Variants in MYO9B observed in about 807,000 individuals in gnomAD.
MYO9B encodes the protein myosin IXB, also known as unconventional myosin-IXb.
MYO9B carries 71 observed loss-of-function variants against 229.5 expected under a neutral mutation model. The observed-to-expected ratio is 0.31, with a 90% confidence interval of 0.26 to 0.38. The LOEUF is 0.38. Among genes scored for constraint, MYO9B ranks in the 10% least tolerant of loss-of-function variants. The pLI, the probability that MYO9B is intolerant of heterozygous loss-of-function variation, is 1.00. For missense variants in MYO9B, 2,255 were observed against 2,920.5 expected, an observed-to-expected ratio of 0.77 and a Z score of 5.25; for synonymous variants, 1,185 against 1,235.8, an observed-to-expected ratio of 0.96 and a Z score of 0.86.
In MYO9B at chr19:17,172,332, C is replaced by G; in HGVS notation, c.1794-4C>G. 6.2e-7 allele frequency: 1 copy of G among 1,613,882 alleles called. No homozygotes were observed. ...CCTGCAAAGGTTCCATGTTCTGTTC[C>G]CAGCTTCCCCCACGCCACGAGCCAG... On this transcript the variant is annotated splice_region_variant and splice_polypyrimidine_tract_variant and intron_variant, in intron 11 of 39. Transcript: ENST00000682292. This position sits in a 1 kb window ranked among gnomAD's most constrained non-coding sequence, Gnocchi z 8.2.
In MYO9B at chr19:17,157,026, G is replaced by T. The variant is rs779720862; in HGVS notation, c.1317G>T (p.Ser439=). Residue 439 remains serine, a synonymous_variant, in exon 7 of 40, where the codon TCG becomes TCT. Coordinates refer to ENST00000682292, the MANE Select transcript of MYO9B (RefSeq NM_004145.4). The part of the protein sequence containing the change: ...VGPPEVLDTL[S]QLLKVKREIL... ...CACCCGAGGTGCTGGACACCCTGTC[G>T]CAGCTTCTGAAGGTACTGATTGCCA... The T allele has an allele frequency of 6.2e-7, 1 of 1,613,336 alleles. No homozygotes were observed. The highest frequency in any genetic ancestry group is 1.7e-5 in the Admixed American group (1 of 59,934).
chr19:17,201,481 A>G (rs2073105652), intron 26 of MYO9B, among the ~76,000 whole-genome samples: 1 of 152,138 alleles, frequency 6.6e-6, no homozygotes, highest in South Asian at 2.1e-4. Flanking sequence ...TTACCAGGCC[A>G]TTCCAGGCAT....
rs145485118 is a variant in MYO9B at position 17,129,398 on chromosome 19, T to TCAA, written c.841-15977_841-15975dup. Among the ~76,000 whole-genome samples the TCAA allele has an allele frequency of 2.4e-3, 369 of 151,818 alleles. 2 individuals carry two copies. Among genetic ancestry groups the TCAA allele is most frequent in the South Asian group, 4.4e-3 (21 of 4,812 alleles). ...GCTTGGGCGACAGAGCGAGACAGTT[T>TCAA]CAACAACAACAACAACAACAACAAA... On this transcript the variant is annotated intron_variant, in intron 2 of 39. Coordinates refer to ENST00000682292, the MANE Select transcript of MYO9B (RefSeq NM_004145.4).
intron 2 of MYO9B, among the ~76,000 whole-genome samples, chr19:17,130,592 C>G (rs1412336841): frequency 6.6e-6 from 1 of 151,546 alleles, no homozygotes; most frequent in Admixed American, 6.6e-5. Flanking sequence ...TGCACTCCAG[C>G]CTGGGTGACA....
At position 17,081,584 on chromosome 19, in the gene MYO9B, G is replaced by A. The variant is rs530143914; in HGVS notation, c.-59+5710G>A. Among the ~76,000 whole-genome samples the A allele has an allele frequency of 2.0e-5, 3 of 152,128 alleles. No homozygotes were observed. The East Asian group carries it at 5.8e-4, about 29-fold the overall frequency. ...AGCACTTTGGGAGGCCGAGGTGGGA[G>A]GATCACCTAAGGTCAGGAGTTTGAG... On this transcript the variant is annotated intron_variant, in intron 1 of 39. Transcript: ENST00000682292.
intron 2 of MYO9B, among the ~76,000 whole-genome samples, chr19:17,139,171 G>C (rs1260431114): frequency 6.7e-6 from 1 of 148,466 alleles, no homozygotes; most frequent in Non-Finnish European, 1.5e-5. Flanking sequence ...AGTGAGACTC[G>C]ATCTCAAAAA....
Position 17,195,522 on chromosome 19 carries a change from G to A in MYO9B, c.4046+49G>A, listed in dbSNP as rs1353716089. On this transcript the variant is annotated intron_variant, in intron 22 of 39. Coordinates refer to ENST00000682292, the MANE Select transcript of MYO9B (RefSeq NM_004145.4). This position sits in a 1 kb window ranked among gnomAD's most constrained non-coding sequence, Gnocchi z 4.5. ...CTGAGCACCAGGGTCCAGGCCAGGT[G>A]GGCAAGGCCAGGGGCAGTGCCACAC... 1.9e-6 allele frequency: 3 copies of A among 1,542,556 alleles called. No homozygotes were observed. The highest frequency in any genetic ancestry group is 2.6e-6 in the Non-Finnish European group (3 of 1,150,446).
At chr19:17,174,222 A>G (rs1021579005) in intron 13 of MYO9B, among the ~76,000 whole-genome samples, 9 of 151,728 alleles carry the variant, frequency 5.9e-5, no homozygotes, top group Non-Finnish European at 1.0e-4. Flanking sequence ...TAGTAGAGAT[A>G]GGGTTTCACC....
chr19:17,204,441 G>A (rs892717491), intron 30 of MYO9B, among the ~76,000 whole-genome samples: 5 of 151,314 alleles, frequency 3.3e-5, no homozygotes, highest in South Asian at 2.1e-4. Context: ...TCATGGTTCC[G>A]CTAGCCAGGC....
chr19:17,164,649 T>C (rs1168028056), intron 10 of MYO9B, among the ~76,000 whole-genome samples: 1 of 152,320 alleles, frequency 6.6e-6, no homozygotes, highest in East Asian at 1.9e-4. Flanking sequence ...TCCAAAGTGC[T>C]GGGATTATAG....
chr19:17,087,064 TTCTC>T (rs1261922612), intron 1 of MYO9B, among the ~76,000 whole-genome samples: 1 of 152,142 alleles, frequency 6.6e-6, no homozygotes, highest in Non-Finnish European at 1.5e-5. Context: ...CACCTCCCCA[TTCTC>T]TCTCCTGTGC....
At chr19:17,137,225 CAAAA>C (rs34273602) in intron 2 of MYO9B, among the ~76,000 whole-genome samples, 5 of 91,750 alleles carry the variant, frequency 5.4e-5, no homozygotes, top group Admixed American at 1.2e-4. Flanking sequence ...CAAACTGTCT[CAAAA>C]AAAAAAAAAA....
At position 17,102,304 on chromosome 19, in the gene MYO9B, A is replaced by G. The variant is rs1422511100; in HGVS notation, c.587A>G (p.Asn196Ser). Residue 196 changes from asparagine to serine, a missense_variant, in exon 2 of 40, where the codon AAC (asparagine) becomes AGC (serine). By Grantham distance (46) the Asn-to-Ser change is conservative. Around this residue, in one of 7 missense-constraint regions of MYO9B, gnomAD observed 386 missense variants for 515.2 expected, o/e 0.75. Coordinates refer to ENST00000682292, the MANE Select transcript of MYO9B (RefSeq NM_004145.4). ...CCCTTTAAGTTCCTGCCCATCTACA[A>G]CCCCAAGTACGTGAAGATGTATGAG... ...INPFKFLPIY[N>S]PKYVKMYENQ... is the part of the protein sequence containing the mutation. 6.2e-7 allele frequency: 1 copy of G among 1,613,792 alleles called. No homozygotes were observed. The highest frequency in any genetic ancestry group is 8.5e-7 in the Non-Finnish European group (1 of 1,179,892).
intron 2 of MYO9B, among the ~76,000 whole-genome samples, chr19:17,144,856 G>A (rs2072387262): frequency 6.6e-6 from 1 of 151,010 alleles, no homozygotes; most frequent in Non-Finnish European, 1.5e-5. Context: ...TGTAATCCCA[G>A]CCACTCGGGA....
intron 2 of MYO9B, chr19:17,103,628 T>G (rs945577154): frequency 1.3e-5 from 2 of 152,228 alleles, no homozygotes; most frequent in African/African-American, 4.8e-5. Flanking sequence ...GGGTGTAGGC[T>G]CTGGACTGGT....
At chr19:17,087,836 A>G (rs1394841932) in intron 1 of MYO9B, among the ~76,000 whole-genome samples, 2 of 151,402 alleles carry the variant, frequency 1.3e-5, no homozygotes, top group African/African-American at 2.4e-5. Context: ...AGGCGGAGAC[A>G]GGAGAATCAC....
chr19:17,165,490 G>A (rs1431959358), intron 10 of MYO9B, among the ~76,000 whole-genome samples: 1 of 151,844 alleles, frequency 6.6e-6, no homozygotes, highest in African/African-American at 2.4e-5. Flanking sequence ...TAAGAGGATT[G>A]CTTTAGGTCA....
At chr19:17,079,921 C>T (rs2057519371) in intron 1 of MYO9B, among the ~76,000 whole-genome samples, 1 of 152,226 alleles carries the variant, frequency 6.6e-6, no homozygotes, top group Non-Finnish European at 1.5e-5. Context: ...TCTGTCTCCA[C>T]ACCAGCCCAC....
intron 1 of MYO9B, among the ~76,000 whole-genome samples, chr19:17,088,514 G>A (rs1223609123): frequency 2.6e-5 from 4 of 152,168 alleles, no homozygotes; most frequent in African/African-American, 9.7e-5. Context: ...TCCCCGAGGA[G>A]TTTCCCATCC....
Sources: allele counts gnomAD v4.1 joint callset (sites outside exome capture counted in the v4.1 genomes callset), GRCh38; gene constraint gnomAD v4.1.1; regional missense constraint gnomAD v4.1.1; non-coding constraint Gnocchi (gnomAD v3.1); transcripts MANE v1.5; gene names NCBI Gene and HGNC (gene_info 2026-07-23, HGNC 2026-07-21).